The following PTPRS variants were observed in gnomAD, a reference collection of about 807,000 sequenced individuals.
PTPRS encodes protein tyrosine phosphatase receptor type S.
PTPRS carries 63 observed loss-of-function variants against 215.3 expected under a neutral mutation model. That is an observed-to-expected ratio of 0.29 (90% CI 0.24 to 0.36). The LOEUF (loss-of-function observed/expected upper bound fraction) is 0.36. Among genes scored for constraint, PTPRS ranks in the 10% least tolerant of loss-of-function variants. PTPRS has a pLI of 1.00. For synonymous variants in PTPRS, 1,404 were observed against 1,191.4 expected, an observed-to-expected ratio of 1.18 and a Z score of -3.68; for missense variants, 2,258 against 2,825.8, an observed-to-expected ratio of 0.80 and a Z score of 4.56.
At chr19:5,213,961 G>T (rs986263552) in intron 30 of PTPRS, among the ~76,000 whole-genome samples, 1 of 152,210 alleles carries the variant, frequency 6.6e-6, no homozygotes, top group Non-Finnish European at 1.5e-5. Context: ...GACTTTGCAG[G>T]GCTGCCAATA....
Position 5,286,047 on chromosome 19 carries a change from T to C in PTPRS, c.91+3A>G. On this transcript the variant is annotated splice_donor_region_variant and intron_variant, in intron 2 of 37. Transcript: ENST00000262963. ...CCCTGCACATCCCGTGCCGGCTTCT[T>C]ACCTTCTGCTGCACAGCCTCCAACG... The C allele has an allele frequency of 1.2e-6, 2 of 1,612,386 alleles. No individual in the cohort carries two copies. The highest frequency in any genetic ancestry group is 1.1e-5 in the South Asian group (1 of 91,032).
rs754693305 is a variant in PTPRS, at chr19:5,206,757, T to TGG, written c.*15_*16dup. Reference sequence around the variant, plus strand: ...CATCCGGGGCCAGTGGTGTCGGGCCTGGGGGGAACCATGGCTTTAGGTTGC... The same window carrying TGG: ...CATCCGGGGCCAGTGGTGTCGGGCCTGGGGGGGGAACCATGGCTTTAGGTTGC... On this transcript the variant is annotated 3_prime_UTR_variant, in exon 38 of 38. Transcript: ENST00000262963. 2.5e-6 allele frequency: 4 copies of TGG among 1,611,632 alleles called. No homozygotes were observed. In the Admixed American group the frequency reaches 5.0e-5, roughly 20 times the overall value.
chr19:5,256,004 G>T, intron 9 of PTPRS, 104 bp downstream of exon 9: 2 of 859,606 alleles, frequency 2.3e-6, no homozygotes, highest in Non-Finnish European at 3.5e-6. Context: ...GTGTGTGTCA[G>T]CGTGTGTCCG....
rs1283935487 is a variant in PTPRS, at chr19:5,306,139, T to A, written c.-94-19905A>T. Among the ~76,000 whole-genome samples the A allele has an allele frequency of 2.1e-5, 3 of 142,526 alleles. No individual in the cohort carries two copies. The Admixed American group carries it at 2.2e-4, about 10-fold the overall frequency. 93.5% of individuals were successfully genotyped at this position (142,526 alleles called of 152,430 possible). On this transcript the variant is annotated intron_variant, in intron 1 of 37. Coordinates refer to ENST00000262963, the MANE Select transcript of PTPRS (RefSeq NM_002850.4). ...TTATTGATCAAAGGTAACTCTAGAA[T>A]ACAGGGTGATTTTTTTTTTTTTTGA...
At position 5,237,978 on chromosome 19, in the gene PTPRS, C is replaced by T. The variant is rs933937437; in HGVS notation, c.1849+941G>A. 3.3e-5 allele frequency among the ~76,000 whole-genome samples: 5 copies of T among 152,052 alleles called. No individual in the cohort carries two copies. Among genetic ancestry groups the T allele is most frequent in the Non-Finnish European group, 4.4e-5 (3 of 68,016 alleles). On this transcript the variant is annotated intron_variant, in intron 13 of 37. Coordinates refer to ENST00000262963, the MANE Select transcript of PTPRS (RefSeq NM_002850.4). This position sits in a 1 kb window ranked among gnomAD's most constrained non-coding sequence, Gnocchi z 4.2. ...TGCCCCTGTGTACACACACCCAGGGCGGGCCTTGAAGGTTTGACCATCATG... is the reference window on the plus strand; with the variant it reads ...TGCCCCTGTGTACACACACCCAGGGTGGGCCTTGAAGGTTTGACCATCATG...
intron 1 of PTPRS, among the ~76,000 whole-genome samples, chr19:5,319,520 A>G (rs1453710151): frequency 1.3e-5 from 2 of 150,524 alleles, no homozygotes; most frequent in Non-Finnish European, 2.9e-5. Flanking sequence ...AACCATGAGT[A>G]TCTGAGTCAG....
intron 16 of PTPRS, among the ~76,000 whole-genome samples, chr19:5,228,244 C>G (rs2042677203): frequency 6.8e-6 from 1 of 146,660 alleles, no homozygotes; most frequent in African/African-American, 2.5e-5. Flanking sequence ...ACTCGGGAGG[C>G]TGAGACAGGA....
rs184504134 is a variant in PTPRS, at chr19:5,271,458, C to T, written c.379+1984G>A. Among the ~76,000 whole-genome samples, 109 of 144,822 alleles carry T rather than the reference C, an allele frequency of 7.5e-4. 1 individual carries two copies. Among genetic ancestry groups the T allele is most frequent in the African/African-American group, 2.6e-3 (101 of 38,678 alleles). On this transcript the variant is annotated intron_variant, in intron 4 of 37. Coordinates refer to ENST00000262963, the MANE Select transcript of PTPRS (RefSeq NM_002850.4). The stretch of plus-strand genomic sequence containing the variant: ...GGTCGCCCAGACTGGAGTGCGATGG[C>T]GTGATCTCGGCTCACTGCAACCTCC...
chr19:5,292,220 AC>A (rs1440714072), intron 1 of PTPRS, among the ~76,000 whole-genome samples: 3 of 152,150 alleles, frequency 2.0e-5, no homozygotes, highest in Non-Finnish European at 4.4e-5. Flanking sequence ...AACCAGCTCC[AC>A]CTGGCACTTT....
rs2049044095 is a variant in PTPRS, at chr19:5,294,013, A to G, written c.-94-7779T>C. Reference sequence around the variant, plus strand: ...CCCGGGGTGCGGGTTTGAAAACTCCACCGGAGGGGCCCGGAATGTAGAAGC... The same window carrying G: ...CCCGGGGTGCGGGTTTGAAAACTCCGCCGGAGGGGCCCGGAATGTAGAAGC... On this transcript the variant is annotated intron_variant, in intron 1 of 37. Coordinates refer to ENST00000262963, the MANE Select transcript of PTPRS (RefSeq NM_002850.4). This position sits in a 1 kb window ranked among gnomAD's most constrained non-coding sequence, Gnocchi z 5.1. Among the ~76,000 whole-genome samples, 1 of 151,994 alleles carries G rather than the reference A, an allele frequency of 6.6e-6. No homozygotes were observed. Among genetic ancestry groups the G allele is most frequent in the South Asian group, 2.1e-4 (1 of 4,816 alleles).
At position 5,235,844 on chromosome 19, in the gene PTPRS, C is replaced by G. The variant is rs528416387; in HGVS notation, c.1849+3075G>C. On this transcript the variant is annotated intron_variant, in intron 13 of 37. Coordinates refer to ENST00000262963, the MANE Select transcript of PTPRS (RefSeq NM_002850.4). ...GTTCCCGCATATTAAAGGGAACTGT[C>G]TGTGTGTTAAAGGCTTATGAATCAG... Among the ~76,000 whole-genome samples the G allele has an allele frequency of 5.3e-5, 8 of 152,290 alleles. No homozygotes were observed. In the South Asian group the frequency reaches 1.7e-3, roughly 32 times the overall value.
chr19:5,277,060 T>C (rs1381288171), intron 2 of PTPRS, among the ~76,000 whole-genome samples: 20 of 143,114 alleles, frequency 1.4e-4, no homozygotes, highest in African/African-American at 5.3e-4. Context: ...GTTTTGTGTT[T>C]TTTTTTTTTT....
At chr19:5,238,056 G>T (rs1035038095) in intron 13 of PTPRS, among the ~76,000 whole-genome samples, 1 of 152,218 alleles carries the variant, frequency 6.6e-6, no homozygotes, top group African/African-American at 2.4e-5. Flanking sequence ...ACTGGGTGAA[G>T]GGAGGGAAGA....
At chr19:5,268,642 G>A (rs1306749696) in intron 4 of PTPRS, among the ~76,000 whole-genome samples, 3 of 152,138 alleles carry the variant, frequency 2.0e-5, no homozygotes, top group Non-Finnish European at 4.4e-5. Flanking sequence ...GTCACTGCTT[G>A]GATGGGAAAA....
chr19:5,255,802 G>A (rs1325805717), intron 9 of PTPRS, among the ~76,000 whole-genome samples: 2 of 152,192 alleles, frequency 1.3e-5, no homozygotes, highest in South Asian at 2.1e-4. Context: ...CATTACCAAC[G>A]GATGCAGAGG....
chr19:5,291,827 C>G, intron 1 of PTPRS, among the ~76,000 whole-genome samples: 1 of 152,030 alleles, frequency 6.6e-6, no homozygotes, highest in Non-Finnish European at 1.5e-5. Context: ...ACTGCTACCT[C>G]AGCCTCCAGA....
chr19:5,278,505 TC>T (rs1364608190), intron 2 of PTPRS, among the ~76,000 whole-genome samples: 9 of 151,866 alleles, frequency 5.9e-5, no homozygotes, highest in African/African-American at 2.2e-4. Flanking sequence ...TGCGGCAGGG[TC>T]TCACTCCGTC....
At chr19:5,296,565 C>G (rs1244855591) in intron 1 of PTPRS, among the ~76,000 whole-genome samples, 2 of 150,916 alleles carry the variant, frequency 1.3e-5, no homozygotes, top group Non-Finnish European at 2.9e-5. Flanking sequence ...CGAACAAAGA[C>G]CAGGAGAAGG....
At position 5,223,114 on chromosome 19, in the gene PTPRS, G is replaced by A. The variant is rs748343733; in HGVS notation, c.2678C>T (p.Ser893Leu). ...ATACGTGGCCCCCTTGTGCACGCCTGATGCCGTGTAGCGGTCCTCGGAGGG... is the reference window on the plus strand; with the variant it reads ...ATACGTGGCCCCCTTGTGCACGCCTAATGCCGTGTAGCGGTCCTCGGAGGG... ...FPPSEDRYTA[S>L]GVHKGATYVF... The change falls in exon 18 of 38, where the codon TCA (serine) becomes TTA (leucine). Residue 893 changes from serine to leucine, a missense_variant. By Grantham distance (145) the Ser-to-Leu change is moderately radical (BLOSUM62 -2). Transcript: ENST00000262963. The A allele has an allele frequency of 3.2e-6, 5 of 1,569,110 alleles. No homozygotes were observed. The highest frequency in any genetic ancestry group is 1.4e-5 in the African/African-American group (1 of 73,466).
Sources: allele counts gnomAD v4.1 joint callset (sites outside exome capture counted in the v4.1 genomes callset), GRCh38; gene constraint gnomAD v4.1.1; non-coding constraint Gnocchi (gnomAD v3.1); transcripts MANE v1.5; gene names NCBI Gene and HGNC (gene_info 2026-07-23, HGNC 2026-07-21).